The following ANKRD11 variants were observed in gnomAD, a reference collection of about 807,000 sequenced individuals.
ANKRD11 encodes the protein ankyrin repeat domain 11.
ANKRD11 carries 17 observed loss-of-function variants against 195.7 expected under a neutral mutation model. The ratio of observed to expected loss-of-function variants is 0.09; its 90% CI spans 0.06 to 0.13. The LOEUF is 0.13. Ranked by LOEUF, ANKRD11 falls within the 10% of genes least tolerant of loss-of-function variation. The pLI, the probability that ANKRD11 is intolerant of heterozygous loss-of-function variation, is 1.00. For synonymous variants in ANKRD11, 1,953 were observed against 1,528.1 expected, an observed-to-expected ratio of 1.28 and a Z score of -6.49; for missense variants, 3,735 against 3,566.1, an observed-to-expected ratio of 1.05 and a Z score of -1.21.
chr16:89,462,352 G>C (rs2056709470), intron 1 of ANKRD11, among the ~76,000 whole-genome samples: 1 of 152,210 alleles, frequency 6.6e-6, no homozygotes, highest in Non-Finnish European at 1.5e-5. Context: ...ATTGCAGACG[G>C]AGTCTCGTTC....
intron 2 of ANKRD11, among the ~76,000 whole-genome samples, chr16:89,399,709 G>A (rs777104487): frequency 3.6e-4 from 55 of 152,284 alleles, no homozygotes; most frequent in African/African-American, 1.2e-3. Context: ...ACAAATGGCC[G>A]CTCTTGTGGG....
At chr16:89,383,389 G>C (rs1441402096) in intron 2 of ANKRD11, among the ~76,000 whole-genome samples, 3 of 152,240 alleles carry the variant, frequency 2.0e-5, no homozygotes, top group African/African-American at 4.8e-5. Flanking sequence ...AAGACGAGGA[G>C]ATCTGTGCCA....
chr16:89,292,885 C>T (rs553249508), intron 4 of ANKRD11, among the ~76,000 whole-genome samples: 1 of 152,362 alleles, frequency 6.6e-6, no homozygotes, highest in African/African-American at 2.4e-5. Flanking sequence ...CCTGCACCCT[C>T]CATGCTGCCC....
intron 1 of ANKRD11, among the ~76,000 whole-genome samples, chr16:89,418,864 G>A (rs991086728): frequency 4.0e-5 from 6 of 151,554 alleles, no homozygotes; most frequent in Non-Finnish European, 7.4e-5. Context: ...TCCCCTCCTG[G>A]GTTCAAGCGA....
intron 4 of ANKRD11, among the ~76,000 whole-genome samples, chr16:89,302,632 A>G (rs1395554676): frequency 4.6e-5 from 7 of 152,148 alleles, no homozygotes; most frequent in East Asian, 1.9e-4. Context: ...ACATCAGAAC[A>G]ATCTTCCTAG....
At chr16:89,455,565 A>G (rs2056397599) in intron 1 of ANKRD11, among the ~76,000 whole-genome samples, 1 of 151,934 alleles carries the variant, frequency 6.6e-6, no homozygotes, top group African/African-American at 2.4e-5. Context: ...GTCAGAATCA[A>G]CTCTTCAGAA....
chr16:89,409,120 A>T (rs917989260), intron 2 of ANKRD11, among the ~76,000 whole-genome samples: 23 of 152,342 alleles, frequency 1.5e-4, no homozygotes, highest in African/African-American at 4.8e-4. Context: ...CCCTGGGGCC[A>T]GGTATCAGGC....
intron 2 of ANKRD11, among the ~76,000 whole-genome samples, chr16:89,375,661 G>T (rs2040393657): frequency 2.0e-5 from 3 of 151,506 alleles, no homozygotes; most frequent in African/African-American, 7.3e-5. Flanking sequence ...CACCATGTTG[G>T]CCAGGCTGGT....
At chr16:89,406,265 G>C (rs1243002748) in intron 2 of ANKRD11, among the ~76,000 whole-genome samples, 1 of 152,148 alleles carries the variant, frequency 6.6e-6, no homozygotes, top group Non-Finnish European at 1.5e-5. Context: ...ACACGTGCTG[G>C]TCTCCAGGAC....
intron 3 of ANKRD11, chr16:89,313,336 C>G (rs533087398): frequency 7.9e-5 from 102 of 1,287,322 alleles, no homozygotes; most frequent in Non-Finnish European, 5.1e-5. Context: ...AGAACACACT[C>G]AACGATGCAG....
chr16:89,272,141 G>A (rs932786108), intron 11 of ANKRD11: 1 of 152,170 alleles, frequency 6.6e-6, no homozygotes, highest in African/African-American at 2.4e-5. Flanking sequence ...CATCTGAAGA[G>A]GAGCTCAACA....
In ANKRD11 at chr16:89,270,875, T is replaced by C. The variant is rs746007973; in HGVS notation, c.7748A>G (p.Asn2583Ser). ...DENKSVRDRF[N>S]ARQFISWLQD... Reference sequence around the variant, plus strand: ...GAGCCAGGAGATGAACTGGCGGGCGTTGAAACGGTCGCGCACTGACTTGTT... The same window carrying C: ...GAGCCAGGAGATGAACTGGCGGGCGCTGAAACGGTCGCGCACTGACTTGTT... The change falls in exon 12 of 13, where the codon AAC (asparagine) becomes AGC (serine). Residue 2583 changes from asparagine (N) to serine (S), a missense_variant. By Grantham distance (46) the Asn-to-Ser change is conservative. Coordinates refer to ENST00000301030, the MANE Select transcript of ANKRD11 (RefSeq NM_013275.6). 4 of 1,613,970 alleles carry C rather than the reference T, an allele frequency of 2.5e-6. No individual in the cohort carries two copies. The highest frequency in any genetic ancestry group is 1.7e-6 in the Non-Finnish European group (2 of 1,179,990).
rs1334384426 is a variant in ANKRD11 at position 89,407,309 on chromosome 16, AAG to A, written c.-60+10973_-60+10974del. Among the ~76,000 whole-genome samples, 7 of 152,242 alleles carry A rather than the reference AAG, an allele frequency of 4.6e-5. No homozygotes were observed. The South Asian group carries it at 1.5e-3, about 32-fold the overall frequency. ...TTTATATAAGGAACACGGGGGGAAA[AAG>A]AAAAAAAAATTAAAAGGAAAAGATG... On this transcript the variant is annotated intron_variant, in intron 2 of 12. Transcript: ENST00000301030.
At chr16:89,358,414 AC>A (rs1337304897) in intron 2 of ANKRD11, among the ~76,000 whole-genome samples, 2 of 152,244 alleles carry the variant, frequency 1.3e-5, no homozygotes, top group African/African-American at 4.8e-5. Flanking sequence ...CACGTGGATA[AC>A]TGCCTATATT....
chr16:89,405,965 C>G (rs1056080233), intron 2 of ANKRD11, among the ~76,000 whole-genome samples: 2 of 152,048 alleles, frequency 1.3e-5, no homozygotes, highest in South Asian at 4.2e-4. Flanking sequence ...CAAAAACTTA[C>G]CGGGCGTGGT....
chr16:89,317,200 G>GGGGCCC, intron 2 of ANKRD11, 122 bp from the exon 3 acceptor site: 1 of 764,382 alleles, frequency 1.3e-6, no homozygotes, highest in Non-Finnish European at 2.2e-6. Context: ...GATCAGGGCT[G>GGGGCCC]GGGCCCGGGC....
intron 1 of ANKRD11, chr16:89,459,395 T>C (rs1370259878): frequency 6.6e-6 from 1 of 152,248 alleles, no homozygotes; most frequent in East Asian, 1.9e-4. Context: ...TCTAAACCTG[T>C]TGATGAAGTT....
chr16:89,311,113 A>G (rs3114911), intron 3 of ANKRD11, among the ~76,000 whole-genome samples: 139,922 of 152,310 alleles, frequency 0.92, 64,338 homozygotes, highest in Middle Eastern at 0.96. Flanking sequence ...AATGTGTGTT[A>G]ACTTTTGTCA....
intron 2 of ANKRD11, among the ~76,000 whole-genome samples, chr16:89,326,253 A>T (rs2037711071): frequency 6.6e-6 from 1 of 152,212 alleles, no homozygotes; most frequent in Non-Finnish European, 1.5e-5. Context: ...GGTGGAAATA[A>T]ACACACGGAA....
Sources: allele counts gnomAD v4.1 joint callset (sites outside exome capture counted in the v4.1 genomes callset), GRCh38; gene constraint gnomAD v4.1.1; transcripts MANE v1.5; gene names NCBI Gene and HGNC (gene_info 2026-07-23, HGNC 2026-07-21).